Variants in RALY observed in about 807,000 individuals in gnomAD.
RALY encodes RNA-binding protein Raly.
RALY carries 15 observed loss-of-function variants against 30.7 expected under a neutral mutation model. The observed-to-expected ratio is 0.49, with a 90% CI of 0.33 to 0.75. RALY has a LOEUF of 0.75. RALY is among the 30% of genes least tolerant of loss of function. RALY has a pLI of 0.02. For missense variants in RALY, 339 were observed against 414.3 expected, an observed-to-expected ratio of 0.82 and a Z score of 1.58; for synonymous variants, 177 against 170.8, an observed-to-expected ratio of 1.04 and a Z score of -0.28.
chr20:34,034,275 G>A (rs2032394034), intron 2 of RALY, among the ~76,000 whole-genome samples: 1 of 152,170 alleles, frequency 6.6e-6, no homozygotes, highest in Non-Finnish European at 1.5e-5. Context: ...AACGATGGGG[G>A]CCATTCTCTT....
intron 1 of RALY, among the ~76,000 whole-genome samples, chr20:34,020,955 T>C (rs1397136227): frequency 1.3e-5 from 2 of 152,062 alleles, no homozygotes; most frequent in Non-Finnish European, 1.5e-5. Context: ...TTTTCTTTTT[T>C]TTTTTTAATT....
chr20:34,079,751 C>T (rs997207962), intron 9 of RALY, among the ~76,000 whole-genome samples, 159 bp from the exon 10 acceptor site: 1 of 152,156 alleles, frequency 6.6e-6, no homozygotes, highest in South Asian at 2.1e-4. Flanking sequence ...GAGACTTGCC[C>T]AAGGTTACAT....
At chr20:34,036,914 C>A (rs2032516698) in intron 2 of RALY, among the ~76,000 whole-genome samples, 1 of 151,408 alleles carries the variant, frequency 6.6e-6, no homozygotes, top group Non-Finnish European at 1.5e-5. Context: ...TTTTTCTTTT[C>A]CATTGATTTT....
rs2034028656 is a variant in RALY, at chr20:34,081,451, C to G, written c.*1546C>G. On this transcript the variant is annotated 3_prime_UTR_variant, in exon 10 of 10. Coordinates refer to ENST00000246194, the MANE Select transcript of RALY (RefSeq NM_016732.3). Reference sequence around the variant, plus strand: ...CTGTTCTCTCCTCTGGAAGCCTTCCCCCAACACAGAAAAATTCAATCCCAT... The same window carrying G: ...CTGTTCTCTCCTCTGGAAGCCTTCCGCCAACACAGAAAAATTCAATCCCAT... The G allele has an allele frequency of 1.3e-5, 2 of 152,306 alleles. No individual in the cohort carries two copies. Among genetic ancestry groups the G allele is most frequent in the Admixed American group, 1.3e-4 (2 of 15,280 alleles). 9.4% of individuals were successfully genotyped at this position (152,306 alleles called of 1,614,324 possible).
In RALY at chr20:34,035,179, A is replaced by AAAAAAC. The variant is rs1568669771; in HGVS notation, c.-10+3580_-10+3581insCAAAAA. ...AAAAAAAAAAAAAAAAAAAAAAAAA[A>AAAAAAC]AAAAAAAACAGTCTGGAGGCCACTT... On this transcript the variant is annotated intron_variant, in intron 2 of 9. Transcript: ENST00000246194. Among the ~76,000 whole-genome samples the AAAAAAC allele has an allele frequency of 2.2e-4, 32 of 144,792 alleles. 1 individual carries two copies. Among genetic ancestry groups the AAAAAAC allele is most frequent in the African/African-American group, 8.6e-4 (32 of 37,290 alleles). 95.0% of individuals were successfully genotyped at this position (144,792 alleles called of 152,430 possible). A position where few individuals can be genotyped will look rare whatever the true frequency, so the allele number is the denominator to read the frequency against.
intron 1 of RALY, among the ~76,000 whole-genome samples, chr20:34,029,121 C>T (rs2032165279): frequency 6.6e-6 from 1 of 152,038 alleles, no homozygotes; most frequent in South Asian, 2.1e-4. Flanking sequence ...AAGAAATATG[C>T]CAGCAGTGCA....
In RALY at chr20:34,082,217, C is replaced by G. The variant is rs1341932820; in HGVS notation, c.*2312C>G. 6.6e-6 allele frequency: 1 copy of G among 152,244 alleles called. No individual in the cohort carries two copies. Among genetic ancestry groups the G allele is most frequent in the Non-Finnish European group, 1.5e-5 (1 of 68,082 alleles). The allele number at this position is 152,244 out of a possible 1,614,324, so 9.4% of individuals were successfully genotyped here. A position where few individuals can be genotyped will look rare whatever the true frequency, so the allele number is the denominator to read the frequency against. On this transcript the variant is annotated 3_prime_UTR_variant, in exon 10 of 10. Transcript: ENST00000246194. Reference sequence around the variant, plus strand: ...AGGCGAGAGCCAGCTATAACAGACCCATTTCAATACCCTGGCAAGTCATTA... The same window carrying G: ...AGGCGAGAGCCAGCTATAACAGACCGATTTCAATACCCTGGCAAGTCATTA...
chr20:33,994,754 A>G (rs1601385128), intron 1 of RALY, among the ~76,000 whole-genome samples: 1 of 151,436 alleles, frequency 6.6e-6, no homozygotes, highest in South Asian at 2.1e-4. Context: ...ACATGGGGGG[A>G]AAGAAGGAAA....
At chr20:34,078,969 G>A (rs2033970745) in intron 9 of RALY, among the ~76,000 whole-genome samples, 1 of 152,224 alleles carries the variant, frequency 6.6e-6, no homozygotes, top group Admixed American at 6.5e-5. Flanking sequence ...AGGGAGCAAT[G>A]TTCCACACCA....
At chr20:34,008,944 A>G (rs2268079) in intron 1 of RALY, among the ~76,000 whole-genome samples, 79,523 of 152,026 alleles carry the variant, frequency 0.52, 22,966 homozygotes, top group South Asian at 0.75. Flanking sequence ...TGTGTGAGCC[A>G]TTGCACCTAG....
chr20:34,071,967 A>G, intron 2 of RALY, 99 bp from the exon 3 acceptor site: 1 of 1,346,406 alleles, frequency 7.4e-7, no homozygotes, highest in Non-Finnish European at 1.0e-6. Flanking sequence ...ATAAGGGTTA[A>G]GGAAGGTAAG....
intron 2 of RALY, among the ~76,000 whole-genome samples, chr20:34,032,044 C>T (rs2032301009): frequency 6.6e-6 from 1 of 152,190 alleles, no homozygotes; most frequent in African/African-American, 2.4e-5. Flanking sequence ...CTCAATGCAA[C>T]CTCCGCCTCC....
chr20:34,018,561 C>T (rs2031694902), intron 1 of RALY, among the ~76,000 whole-genome samples: 1 of 152,192 alleles, frequency 6.6e-6, no homozygotes, highest in African/African-American at 2.4e-5. Flanking sequence ...CTAATTAAAA[C>T]TTGACAGCCG....
chr20:34,066,631 T>G (rs2033580618), intron 2 of RALY, among the ~76,000 whole-genome samples: 1 of 151,828 alleles, frequency 6.6e-6, no homozygotes, highest in African/African-American at 2.4e-5. Flanking sequence ...CCTCAAAGGA[T>G]CCTCCCATCT....
intron 2 of RALY, among the ~76,000 whole-genome samples, chr20:34,039,362 G>T (rs1338148942): frequency 6.6e-6 from 1 of 152,182 alleles, no homozygotes; most frequent in African/African-American, 2.4e-5. Flanking sequence ...TGAGACATAG[G>T]ACCCAGATTG....
intron 1 of RALY, among the ~76,000 whole-genome samples, chr20:34,023,770 C>G (rs2031916964): frequency 6.6e-6 from 1 of 152,074 alleles, no homozygotes; most frequent in Non-Finnish European, 1.5e-5. Flanking sequence ...CAGAACCAGT[C>G]TCCTTATTCC....
rs79086042 is a variant in RALY, at chr20:34,060,683, C to A, written c.-9-11383C>A. ...TGACGACATTCCATGTCCTGTCACA[C>A]AGGAGTAAGGATTCAGGCTTTGGCT... On this transcript the variant is annotated intron_variant, in intron 2 of 9. Transcript: ENST00000246194. Among the ~76,000 whole-genome samples the A allele has an allele frequency of 8.8e-4, 134 of 152,334 alleles. 1 individual carries two copies. Among genetic ancestry groups the A allele is most frequent in the African/African-American group, 2.8e-3 (115 of 41,570 alleles).
At chr20:34,011,105 C>T (rs961861520) in intron 1 of RALY, among the ~76,000 whole-genome samples, 1 of 151,914 alleles carries the variant, frequency 6.6e-6, no homozygotes. Context: ...ATAAAACATA[C>T]ATCTTCCTGA....
chr20:34,035,984 A>C (rs984806282), intron 2 of RALY, among the ~76,000 whole-genome samples: 1 of 152,194 alleles, frequency 6.6e-6, no homozygotes, highest in Non-Finnish European at 1.5e-5. Flanking sequence ...AAAGGAGGCC[A>C]GTGTGGCTAC....
Sources: gnomAD v4.1 joint callset for allele counts (sites outside exome capture counted in the v4.1 genomes callset) on GRCh38, gnomAD v4.1.1 for gene constraint, MANE v1.5 for transcripts, NCBI Gene and HGNC (gene_info 2026-07-23, HGNC 2026-07-21) for gene names.